NUBPL: variants seen among roughly 807,000 people sequenced by gnomAD.
NUBPL encodes NUBP iron-sulfur cluster assembly factor, mitochondrial.
In NUBPL, 31 loss-of-function variants were observed where a neutral mutation model predicts 45.7. The observed-to-expected ratio is 0.68, with a 90% CI of 0.51 to 0.92. NUBPL has a LOEUF of 0.92. Among genes scored for constraint, NUBPL ranks in the 40% least tolerant of loss-of-function variants. The pLI is 0.00. For synonymous variants in NUBPL, 144 were observed against 140.9 expected, an observed-to-expected ratio of 1.02 and a Z score of -0.15; for missense variants, 401 against 398.7, an observed-to-expected ratio of 1.01 and a Z score of -0.05.
intron 10 of NUBPL, among the ~76,000 whole-genome samples, chr14:31,854,173 C>A (rs2040582396): frequency 6.6e-6 from 1 of 152,048 alleles, no homozygotes; most frequent in African/African-American, 2.4e-5. Context: ...AAGGAAAAGA[C>A]CTTTGTGCAC....
intron 8 of NUBPL, among the ~76,000 whole-genome samples, chr14:31,837,692 G>A (rs1307932887): frequency 6.6e-6 from 1 of 152,194 alleles, no homozygotes; most frequent in African/African-American, 2.4e-5. Context: ...TTACAATTCA[G>A]TAAGGGGAAG....
At chr14:31,702,999 A>C (rs561074842) in intron 6 of NUBPL, 1 of 152,340 alleles carries the variant, frequency 6.6e-6, no homozygotes, top group East Asian at 1.9e-4. Flanking sequence ...TGAAGTCTTA[A>C]GTAGAGCTTG....
chr14:31,750,968 A>G (rs1595579621), intron 6 of NUBPL, among the ~76,000 whole-genome samples: 1 of 152,216 alleles, frequency 6.6e-6, no homozygotes. Flanking sequence ...GAACTTCTTC[A>G]CATGGTGGCA....
intron 4 of NUBPL, among the ~76,000 whole-genome samples, chr14:31,625,703 T>C (rs1392281504): frequency 2.6e-5 from 4 of 152,074 alleles, no homozygotes; most frequent in Non-Finnish European, 5.9e-5. Flanking sequence ...CTCAAACTCC[T>C]GACTTCAAGT....
chr14:31,681,670 C>A (rs1480205924), intron 6 of NUBPL, among the ~76,000 whole-genome samples: 1 of 151,818 alleles, frequency 6.6e-6, no homozygotes, highest in Non-Finnish European at 1.5e-5. Flanking sequence ...TAAATACAAG[C>A]AGTTAAGGCT....
intron 6 of NUBPL, among the ~76,000 whole-genome samples, chr14:31,780,322 G>C (rs2039170678): frequency 6.6e-6 from 1 of 151,970 alleles, no homozygotes; most frequent in African/African-American, 2.4e-5. Context: ...ACCCTCCTTG[G>C]CCTCCCAGAA....
intron 6 of NUBPL, among the ~76,000 whole-genome samples, chr14:31,767,399 A>G (rs1037598009): frequency 6.6e-6 from 1 of 151,984 alleles, no homozygotes; most frequent in Non-Finnish European, 1.5e-5. Context: ...GAGACAGGCT[A>G]CTAAACACCA....
At chr14:31,651,802 G>A (rs549905605) in intron 4 of NUBPL, among the ~76,000 whole-genome samples, 3 of 151,956 alleles carry the variant, frequency 2.0e-5, no homozygotes, top group African/African-American at 7.2e-5. Context: ...AGGAGGCTGA[G>A]GTAGGAGAAT....
intron 10 of NUBPL, among the ~76,000 whole-genome samples, chr14:31,856,210 A>C (rs1290768218): frequency 6.6e-6 from 1 of 152,166 alleles, no homozygotes; most frequent in African/African-American, 2.4e-5. Flanking sequence ...GGATGGCGGC[A>C]GGCAAAAAGA....
chr14:31,846,565 C>T lies in NUBPL; in HGVS notation c.788C>T (p.Ala263Val). ...GGTGCTGATGGTGCAAGGAAACTAGCACAGACCCTTGGTCTTGAAGTTCTA... is the reference window on the plus strand; with the variant it reads ...GGTGCTGATGGTGCAAGGAAACTAGTACAGACCCTTGGTCTTGAAGTTCTA... ...IFGADGARKL[A>V]QTLGLEVLGD... Residue 263 changes from alanine (A) to valine (V), a missense_variant, in exon 9 of 11, where the codon GCA (alanine) becomes GTA (valine). Coordinates refer to ENST00000281081, the MANE Select transcript of NUBPL (RefSeq NM_025152.3). 1 of 1,613,528 alleles carries T rather than the reference C, an allele frequency of 6.2e-7. No individual in the cohort carries two copies. The highest frequency in any genetic ancestry group is 8.5e-7 in the Non-Finnish European group (1 of 1,179,736).
intron 6 of NUBPL, among the ~76,000 whole-genome samples, chr14:31,689,998 T>C (rs2037056084): frequency 6.6e-6 from 1 of 151,802 alleles, no homozygotes; most frequent in Admixed American, 6.6e-5. Context: ...ATTTCTGGGC[T>C]CTCTATTCTG....
At chr14:31,747,924 TA>T (rs1052777484) in intron 6 of NUBPL, among the ~76,000 whole-genome samples, 1 of 152,218 alleles carries the variant, frequency 6.6e-6, no homozygotes, top group African/African-American at 2.4e-5. Context: ...ACTTTTTTTA[TA>T]CAGGTGTTTC....
intron 8 of NUBPL, among the ~76,000 whole-genome samples, chr14:31,828,612 A>T (rs2040141230): frequency 6.6e-6 from 1 of 152,182 alleles, no homozygotes; most frequent in South Asian, 2.1e-4. Context: ...CCCCCTATAA[A>T]TTATCATTTT....
At chr14:31,749,332 T>C (rs2038470863) in intron 6 of NUBPL, among the ~76,000 whole-genome samples, 1 of 152,226 alleles carries the variant, frequency 6.6e-6, no homozygotes, top group Non-Finnish European at 1.5e-5. Flanking sequence ...ATGAGGCAGT[T>C]ATTGTCCTTT....
At chr14:31,654,717 G>A (rs759308403) in intron 4 of NUBPL, among the ~76,000 whole-genome samples, 22 of 152,018 alleles carry the variant, frequency 1.4e-4, no homozygotes, top group Non-Finnish European at 2.8e-4. Context: ...CCCGGCTATG[G>A]CAATTTCTTC....
At chr14:31,686,809 T>C (rs1168482812) in intron 6 of NUBPL, 1 of 152,220 alleles carries the variant, frequency 6.6e-6, no homozygotes, top group Non-Finnish European at 1.5e-5. Flanking sequence ...TTGGGATCTG[T>C]CCATACTAAA....
intron 4 of NUBPL, among the ~76,000 whole-genome samples, chr14:31,664,773 C>T (rs1031015555): frequency 1.3e-5 from 2 of 152,072 alleles, no homozygotes; most frequent in Admixed American, 6.6e-5. Flanking sequence ...GGGAGGAGTC[C>T]CTCTTTTCTG....
At chr14:31,628,961 G>T (rs1164641397) in intron 4 of NUBPL, among the ~76,000 whole-genome samples, 1 of 152,114 alleles carries the variant, frequency 6.6e-6, no homozygotes, top group South Asian at 2.1e-4. Flanking sequence ...GCCTTAATTT[G>T]TGCTAAGGTG....
intron 4 of NUBPL, among the ~76,000 whole-genome samples, chr14:31,624,188 C>A (rs2035144376): frequency 1.3e-5 from 2 of 152,014 alleles, no homozygotes; most frequent in South Asian, 2.1e-4. Flanking sequence ...GATGAATAGA[C>A]CTTGGTAATT....
Sources: allele counts gnomAD v4.1 joint callset (sites outside exome capture counted in the v4.1 genomes callset), GRCh38; gene constraint gnomAD v4.1.1; transcripts MANE v1.5; gene names NCBI Gene and HGNC (gene_info 2026-07-23, HGNC 2026-07-21).